SETD7: variants seen among roughly 807,000 people sequenced by gnomAD.
The protein encoded by SETD7 is histone-lysine N-methyltransferase SETD7.
In SETD7, 16 loss-of-function variants were observed where a neutral mutation model predicts 41.8. The ratio of observed to expected loss-of-function variants is 0.38; its 90% CI spans 0.26 to 0.58. The LOEUF is 0.58. Among genes scored for constraint, SETD7 ranks in the 20% least tolerant of loss-of-function variants. The probability of loss-of-function intolerance (pLI) is 0.64; values close to 1 mark genes in which losing one functional copy is unlikely to be tolerated. For synonymous variants in SETD7, 163 were observed against 169.7 expected, an observed-to-expected ratio of 0.96 and a Z score of 0.31; for missense variants, 346 against 459.7, an observed-to-expected ratio of 0.75 and a Z score of 2.26.
chr4:139,545,102 TA>T (rs894886666), intron 2 of SETD7, among the ~76,000 whole-genome samples: 6 of 151,866 alleles, frequency 4.0e-5, no homozygotes, highest in African/African-American at 1.5e-4. Flanking sequence ...AAAAGAGCTA[TA>T]AAAAAATTGC....
At chr4:139,529,520 G>C (rs1292302388) in intron 3 of SETD7, among the ~76,000 whole-genome samples, 1 of 152,152 alleles carries the variant, frequency 6.6e-6, no homozygotes, top group Non-Finnish European at 1.5e-5. Context: ...CTCTATGTTG[G>C]TTTACTAAGA....
At position 139,555,059 on chromosome 4, in the gene SETD7, G is replaced by T. The variant is rs1489302245; in HGVS notation, c.40+1039C>A. Among the ~76,000 whole-genome samples the T allele has an allele frequency of 6.6e-6, 1 of 152,016 alleles. No homozygotes were observed. The highest frequency in any genetic ancestry group is 2.4e-5 in the African/African-American group (1 of 41,396). On this transcript the variant is annotated intron_variant, in intron 1 of 7. Coordinates refer to ENST00000274031, the MANE Select transcript of SETD7 (RefSeq NM_030648.4). The surrounding 1 kb of genome is among the most constrained non-coding windows in gnomAD (Gnocchi z 4.0). ...TGAAAAACATCACGACGTACTGTAT[G>T]GAGTGGAACCAAATAAATACGCTAA...
intron 4 of SETD7, among the ~76,000 whole-genome samples, chr4:139,523,881 C>T (rs1263546401): frequency 6.6e-6 from 1 of 152,200 alleles, no homozygotes; most frequent in Admixed American, 6.5e-5. Flanking sequence ...TTCTGCCTCA[C>T]CAGAATTAAG....
chr4:139,540,100 C>T (rs1206411213), intron 2 of SETD7, among the ~76,000 whole-genome samples: 1 of 152,196 alleles, frequency 6.6e-6, no homozygotes. Context: ...TTCCCCTAAG[C>T]ACCTTCTGAG....
At chr4:139,518,172 G>A (rs1727082646) in intron 6 of SETD7, 130 bp from the exon 7 acceptor site, 3 of 993,418 alleles carry the variant, frequency 3.0e-6, no homozygotes, top group African/African-American at 1.7e-5. Context: ...CTGTCACCTA[G>A]GCTGGAGCGC....
rs1031505347 is a variant in SETD7 at position 139,510,560 on chromosome 4, G to C, written c.*1103C>G. On this transcript the variant is annotated 3_prime_UTR_variant, in exon 8 of 8. Transcript: ENST00000274031. Reference sequence around the variant, plus strand: ...GTAAGTGCTTTGAAATTACAATGATGAAGAGTTTTAGCATCAAGGTTTGAT... The same window carrying C: ...GTAAGTGCTTTGAAATTACAATGATCAAGAGTTTTAGCATCAAGGTTTGAT... The C allele has an allele frequency of 6.6e-6, 1 of 152,220 alleles. No individual in the cohort carries two copies. Among genetic ancestry groups the C allele is most frequent in the African/African-American group, 2.4e-5 (1 of 41,456 alleles). The allele number at this position is 152,220 out of a possible 1,614,324, so 9.4% of individuals were successfully genotyped here.
chr4:139,546,888 C>A (rs200671573), intron 2 of SETD7, 32 bp downstream of exon 2: 1 of 1,613,804 alleles, frequency 6.2e-7, no homozygotes, highest in Non-Finnish European at 8.5e-7. Context: ...ATTCGGTACC[C>A]CCAAAGAACA....
In SETD7 at chr4:139,509,179, T is replaced by C. The variant is rs760136307; in HGVS notation, c.*2484A>G. 11 of 152,714 alleles carry C rather than the reference T, an allele frequency of 7.2e-5. No homozygotes were observed. Among genetic ancestry groups the C allele is most frequent in the Non-Finnish European group, 1.6e-4 (11 of 68,594 alleles). The allele number at this position is 152,714 out of a possible 1,614,324, so 9.5% of individuals were successfully genotyped here. On this transcript the variant is annotated 3_prime_UTR_variant, in exon 8 of 8. Transcript: ENST00000274031. ...CCCAGGATGCCCAGGCGTTCTCACA[T>C]ATGCAGAGAGAAGAGGAAAGAGAGC...
chr4:139,543,418 A>G (rs1472972537), intron 2 of SETD7, among the ~76,000 whole-genome samples: 2 of 152,204 alleles, frequency 1.3e-5, no homozygotes, highest in Non-Finnish European at 2.9e-5. Flanking sequence ...CTTTTAGCAG[A>G]TGTCTCGTAA....
At chr4:139,501,079 C>T (rs1249726406), downstream of SETD7, among the ~76,000 whole-genome samples, 6 of 152,196 alleles carry the variant, frequency 3.9e-5, no homozygotes, top group African/African-American at 4.8e-5. Flanking sequence ...CTTGGCCCTG[C>T]ACACCTCCTC....
At chr4:139,540,719 G>A (rs1402498768) in intron 2 of SETD7, among the ~76,000 whole-genome samples, 1 of 152,134 alleles carries the variant, frequency 6.6e-6, no homozygotes, top group Non-Finnish European at 1.5e-5. Flanking sequence ...AAAATTTTTG[G>A]CCTCAATCAG....
At chr4:139,525,147 G>A (rs530010809) in intron 4 of SETD7, among the ~76,000 whole-genome samples, 4 of 152,286 alleles carry the variant, frequency 2.6e-5, no homozygotes, top group African/African-American at 7.2e-5. Context: ...AAAATTGTGT[G>A]TGGAATGTAT....
intron 7 of SETD7, among the ~76,000 whole-genome samples, chr4:139,500,307 C>T (rs1726543235): frequency 6.6e-6 from 1 of 152,134 alleles, no homozygotes; most frequent in South Asian, 2.1e-4. Flanking sequence ...ATCATGAACC[C>T]CCTGCTTCCA....
chr4:139,499,861 C>G (rs1410219696), intron 7 of SETD7, among the ~76,000 whole-genome samples: 1 of 152,116 alleles, frequency 6.6e-6, no homozygotes, highest in African/African-American at 2.4e-5. Flanking sequence ...TGCCCCATAC[C>G]CAGAAGAAAG....
At chr4:139,512,752 C>CTTTTTTTTTTTTTTTTTTT (rs140570195) in intron 7 of SETD7, among the ~76,000 whole-genome samples, 1 of 75,534 alleles carries the variant, frequency 1.3e-5, no homozygotes, top group Non-Finnish European at 2.5e-5. Context: ...TTTTCTTATT[C>CTTTTTTTTTTTTTTTTTTT]TTTTTTTTTT....
intron 2 of SETD7, among the ~76,000 whole-genome samples, chr4:139,541,845 T>C (rs1358824107): frequency 1.3e-5 from 2 of 152,320 alleles, no homozygotes; most frequent in Admixed American, 1.3e-4. Context: ...TCTGAGACAG[T>C]TGTGAACAGG....
chr4:139,520,039 A>C (rs1727135172), intron 6 of SETD7, among the ~76,000 whole-genome samples: 1 of 152,218 alleles, frequency 6.6e-6, no homozygotes, highest in Non-Finnish European at 1.5e-5. Context: ...GGTACAGTCT[A>C]ATATACCAAT....
chr4:139,549,986 G>A (rs986813578), intron 1 of SETD7, among the ~76,000 whole-genome samples: 3 of 151,894 alleles, frequency 2.0e-5, no homozygotes, highest in African/African-American at 7.3e-5. Flanking sequence ...CACTATATTG[G>A]CCAGGCTGGT....
chr4:139,510,468 T>A lies in SETD7; in HGVS notation c.*1195A>T, dbSNP rs1726838589. The A allele has an allele frequency of 6.6e-6, 1 of 152,230 alleles. No homozygotes were observed. Among genetic ancestry groups the A allele is most frequent in the Admixed American group, 6.5e-5 (1 of 15,292 alleles). The allele number at this position is 152,230 out of a possible 1,614,324, so 9.4% of individuals were successfully genotyped here. A position where few individuals can be genotyped will look rare whatever the true frequency, so the allele number is the denominator to read the frequency against. ...CACATGGCTGGCAAAATGGCTGAAA[T>A]GCTATTGATAGTGTTGCTTTTAAAC... On this transcript the variant is annotated 3_prime_UTR_variant, in exon 8 of 8. Transcript: ENST00000274031.
Sources: allele counts gnomAD v4.1 joint callset (sites outside exome capture counted in the v4.1 genomes callset), GRCh38; gene constraint gnomAD v4.1.1; non-coding constraint Gnocchi (gnomAD v3.1); transcripts MANE v1.5; gene names NCBI Gene and HGNC (gene_info 2026-07-23, HGNC 2026-07-21).